LIN52: variants seen among roughly 807,000 people sequenced by gnomAD.
LIN52 encodes the protein protein lin-52 homolog.
Under a neutral mutation model 18.5 loss-of-function variants are expected in LIN52, and 4 were observed. The observed-to-expected ratio is 0.22, with a 90% confidence interval of 0.11 to 0.49. The LOEUF (loss-of-function observed/expected upper bound fraction) is 0.49. Among genes scored for constraint, LIN52 ranks in the 20% least tolerant of loss-of-function variants. The pLI is 0.97. For missense variants in LIN52, 102 were observed against 139.5 expected (o/e 0.73, Z 1.35); for synonymous variants, 34 against 45.5 (o/e 0.75, Z 1.02).
chr14:74,183,682 A>G (rs1030096583), intron 5 of LIN52, among the ~76,000 whole-genome samples: 2 of 152,192 alleles, frequency 1.3e-5, no homozygotes, highest in African/African-American at 2.4e-5. Flanking sequence ...AAAATGATCA[A>G]CTTTCTGCTA....
intron 5 of LIN52, among the ~76,000 whole-genome samples, chr14:74,145,070 C>CT (rs1453767976): frequency 2.0e-5 from 3 of 152,200 alleles, no homozygotes; most frequent in Non-Finnish European, 2.9e-5. Flanking sequence ...CTAAAGAACT[C>CT]TGAGTGGTAG....
chr14:74,196,037 C>T (rs1334392941), intron 5 of LIN52, among the ~76,000 whole-genome samples: 3 of 152,160 alleles, frequency 2.0e-5, no homozygotes, highest in Admixed American at 6.5e-5. Flanking sequence ...CTGTGTCATA[C>T]ATTCGTATAT....
At chr14:74,128,722 A>G (rs889676544) in intron 5 of LIN52, among the ~76,000 whole-genome samples, 1 of 152,298 alleles carries the variant, frequency 6.6e-6, no homozygotes, top group Admixed American at 6.5e-5. Flanking sequence ...CAGGCAGATC[A>G]CTTGAGATCA....
chr14:74,106,661 G>A (rs2060898845), intron 5 of LIN52, among the ~76,000 whole-genome samples: 1 of 152,104 alleles, frequency 6.6e-6, no homozygotes, highest in South Asian at 2.1e-4. Flanking sequence ...TGCAGTCTTG[G>A]CTCACTGCAA....
At chr14:74,154,975 G>T (rs2061193423) in intron 5 of LIN52, among the ~76,000 whole-genome samples, 1 of 152,136 alleles carries the variant, frequency 6.6e-6, no homozygotes, top group Admixed American at 6.5e-5. Flanking sequence ...TGTTACAGTG[G>T]GTAGTAATGG....
intron 5 of LIN52, among the ~76,000 whole-genome samples, chr14:74,168,286 TCC>T (rs1193341569): frequency 6.6e-6 from 1 of 152,222 alleles, no homozygotes; most frequent in Non-Finnish European, 1.5e-5. Context: ...AATCTTACAG[TCC>T]TCTCTGTTAT....
chr14:74,091,423 A>G, intron 2 of LIN52, 117 bp downstream of exon 2: 1 of 690,060 alleles, frequency 1.4e-6, no homozygotes. Flanking sequence ...AAGCTAGTCA[A>G]ATTTAGCAGT....
intron 5 of LIN52, among the ~76,000 whole-genome samples, chr14:74,143,680 T>A (rs1201236846): frequency 6.6e-6 from 1 of 152,242 alleles, no homozygotes; most frequent in Non-Finnish European, 1.5e-5. Flanking sequence ...TGTACATGTT[T>A]ATGGGGTACA....
chr14:74,197,038 T>G (rs747771684), intron 5 of LIN52, among the ~76,000 whole-genome samples: 1 of 152,204 alleles, frequency 6.6e-6, no homozygotes, highest in Non-Finnish European at 1.5e-5. Flanking sequence ...GACCCCAGTC[T>G]CTCCATGAAC....
At chr14:74,158,705 C>T (rs1003818250) in intron 5 of LIN52, among the ~76,000 whole-genome samples, 4 of 151,118 alleles carry the variant, frequency 2.6e-5, no homozygotes, top group African/African-American at 4.9e-5. Context: ...CTTGAACTCC[C>T]GACCTCAGGT....
intron 1 of LIN52, 40 bp downstream of exon 1, chr14:74,085,033 C>G (rs2060715226): frequency 1.5e-6 from 2 of 1,364,442 alleles, no homozygotes; most frequent in African/African-American, 3.0e-5. Flanking sequence ...CAGCCTCCTT[C>G]TTTGCTCTAC....
intron 5 of LIN52, among the ~76,000 whole-genome samples, chr14:74,130,278 G>GTTTTTTTTTTTTGTTTT: frequency 1.5e-5 from 1 of 64,824 alleles, no homozygotes; most frequent in Non-Finnish European, 2.8e-5. Context: ...GCATTTTTTG[G>GTTTTTTTTTTTTGTTTT]TTTTTTTTTT....
At chr14:74,167,128 T>TG (rs1054228614) in intron 5 of LIN52, among the ~76,000 whole-genome samples, 4 of 150,670 alleles carry the variant, frequency 2.7e-5, no homozygotes, top group African/African-American at 7.4e-5. Context: ...TTTTTTTTTT[T>TG]TTTTAGAAAA....
intron 5 of LIN52, among the ~76,000 whole-genome samples, chr14:74,197,471 C>A (rs775764527): frequency 2.0e-5 from 3 of 152,148 alleles, no homozygotes; most frequent in Non-Finnish European, 4.4e-5. Context: ...AAGCTCTTAA[C>A]AGTCTCTGCC....
Position 74,199,004 on chromosome 14 carries a change from G to A in LIN52, c.*27G>A, listed in dbSNP as rs1160319074. On this transcript the variant is annotated 3_prime_UTR_variant, in exon 6 of 6. Transcript: ENST00000555028. ...AGCTGCTTGCGGACAGGATGTCCTG[G>A]GGTCCGAAACCAAGCTCCCTTCCCG... The A allele has an allele frequency of 1.3e-6, 2 of 1,579,766 alleles. No individual in the cohort carries two copies. The highest frequency in any genetic ancestry group is 8.7e-7 in the Non-Finnish European group (1 of 1,150,008).
At chr14:74,158,260 C>T (rs8003212) in intron 5 of LIN52, among the ~76,000 whole-genome samples, 91,173 of 151,112 alleles carry the variant, frequency 0.6, 28,555 homozygotes, top group Admixed American at 0.69. Context: ...ATTACAGGTG[C>T]GCGTCACATG....
intron 5 of LIN52, among the ~76,000 whole-genome samples, chr14:74,175,045 G>A (rs932428829): frequency 1.1e-4 from 3 of 26,814 alleles, no homozygotes; most frequent in Admixed American, 4.0e-4. Flanking sequence ...TAATAATAAT[G>A]TACACCTGTA....
chr14:74,091,043 A>G (rs539529150), intron 1 of LIN52, among the ~76,000 whole-genome samples, 189 bp from the exon 2 acceptor site: 3 of 152,332 alleles, frequency 2.0e-5, no homozygotes, highest in Non-Finnish European at 4.4e-5. Flanking sequence ...TCATAGATTG[A>G]AAGAGTGAGG....
At chr14:74,189,436 A>C (rs1455668459) in intron 5 of LIN52, among the ~76,000 whole-genome samples, 2 of 152,236 alleles carry the variant, frequency 1.3e-5, no homozygotes, top group Non-Finnish European at 2.9e-5. Context: ...AAAACTATGA[A>C]ATAGACCTGT....
Sources: allele counts gnomAD v4.1 joint callset (sites outside exome capture counted in the v4.1 genomes callset), GRCh38; gene constraint gnomAD v4.1.1; transcripts MANE v1.5; gene names NCBI Gene and HGNC (gene_info 2026-07-23, HGNC 2026-07-21).